Variants in MCPH1 observed in about 807,000 individuals in gnomAD.
MCPH1 encodes the protein microcephalin 1.
In MCPH1, 104 loss-of-function variants were observed where a neutral mutation model predicts 84.5. The observed-to-expected ratio is 1.23, with a 90% CI of 1.05 to 1.45. The LOEUF (loss-of-function observed/expected upper bound fraction) is 1.45, where lower values mean the gene tolerates loss of function less well. MCPH1 is among the 40% of genes most tolerant of loss of function. MCPH1 has a pLI of 0.00. For synonymous variants in MCPH1, 514 were observed against 366.8 expected, an observed-to-expected ratio of 1.40 and a Z score of -4.58; for missense variants, 1,498 against 1,005.7, an observed-to-expected ratio of 1.49 and a Z score of -6.62.
chr8:6,562,819 C>A, intron 12 of MCPH1: 1 of 1,613,604 alleles, frequency 6.2e-7, no homozygotes, highest in Non-Finnish European at 8.5e-7. Flanking sequence ...GCTGCAGGAC[C>A]CATGCTGGAC....
At chr8:6,632,525 T>C (rs1378853938) in intron 13 of MCPH1, among the ~76,000 whole-genome samples, 1 of 152,162 alleles carries the variant, frequency 6.6e-6, no homozygotes, top group African/African-American at 2.4e-5. Flanking sequence ...CATAAAAATC[T>C]GAGGCTGAGC....
chr8:6,522,669 G>T, intron 12 of MCPH1, among the ~76,000 whole-genome samples: 1 of 151,724 alleles, frequency 6.6e-6, no homozygotes, highest in African/African-American at 2.4e-5. Flanking sequence ...AGCTACTCAG[G>T]AGGCTGAGGC....
intron 9 of MCPH1, among the ~76,000 whole-genome samples, chr8:6,462,888 T>C (rs1241526319): frequency 6.6e-6 from 1 of 152,210 alleles, no homozygotes; most frequent in Non-Finnish European, 1.5e-5. Context: ...CATGTCTGCA[T>C]ATTGACTGTG....
Position 6,427,957 on chromosome 8 carries a change from T to A in MCPH1, c.234-3542T>A, listed in dbSNP as rs550731463. 2.0e-5 allele frequency among the ~76,000 whole-genome samples: 3 copies of A among 152,074 alleles called. No homozygotes were observed. The South Asian group carries it at 6.3e-4, about 32-fold the overall frequency. On this transcript the variant is annotated intron_variant, in intron 3 of 13. Transcript: ENST00000344683. ...ACAGGCACGCACCACCACGCCCGGC[T>A]AATTTTTGCATTTTTAGTAGAGACG...
At chr8:6,516,680 A>G (rs1271313013) in intron 12 of MCPH1, among the ~76,000 whole-genome samples, 2 of 152,210 alleles carry the variant, frequency 1.3e-5, no homozygotes, top group Non-Finnish European at 2.9e-5. Context: ...TCATGTACAT[A>G]TATTGAAGTT....
chr8:6,469,835 C>G (rs1807480472), intron 9 of MCPH1, among the ~76,000 whole-genome samples: 1 of 152,194 alleles, frequency 6.6e-6, no homozygotes, highest in Admixed American at 6.5e-5. Flanking sequence ...CTTTTTCTCT[C>G]TCTCTCCCTG....
chr8:6,599,259 C>G (rs1459955885), intron 12 of MCPH1, among the ~76,000 whole-genome samples: 1 of 152,168 alleles, frequency 6.6e-6, no homozygotes, highest in Non-Finnish European at 1.5e-5. Context: ...GAATGTGAAG[C>G]TTGTGACAGG....
intron 11 of MCPH1, among the ~76,000 whole-genome samples, chr8:6,496,653 G>A (rs560241164): frequency 2.6e-5 from 4 of 152,108 alleles, no homozygotes; most frequent in South Asian, 2.1e-4. Flanking sequence ...GGATAAGGCT[G>A]GCTATTTAGA....
intron 12 of MCPH1, chr8:6,520,095 C>G (rs760319549): frequency 4.2e-5 from 57 of 1,349,516 alleles, no homozygotes; most frequent in Non-Finnish European, 5.6e-5. Flanking sequence ...CTTTGGAATT[C>G]TTAAGTAAGC....
At chr8:6,642,760 C>T in intron 13 of MCPH1, 1 of 576,448 alleles carries the variant, frequency 1.7e-6, no homozygotes, top group Non-Finnish European at 3.2e-6. Flanking sequence ...CATGTGGCTA[C>T]CAAGCACTTG....
intron 11 of MCPH1, among the ~76,000 whole-genome samples, chr8:6,492,746 AATT>A (rs940179782): frequency 6.7e-6 from 1 of 148,682 alleles, no homozygotes; most frequent in African/African-American, 2.4e-5. Context: ...TATTAATAAT[AATT>A]ATTTAATATT....
At position 6,621,507 on chromosome 8, in the gene MCPH1, T is replaced by C. The variant is rs747441069; in HGVS notation, c.2268T>C (p.Phe756=). The change falls in exon 13 of 14, where the codon TTT becomes TTC. Residue 756 remains phenylalanine (F), a synonymous_variant. Transcript: ENST00000344683. The part of the protein sequence containing the change: ...LSAGPYRGTL[F]ADQPAMFVSP... ...CAGGGCCGTACCGCGGAACCCTCTT[T>C]GCCGACCAGCCAGCGATGTTTGTCT... is the stretch of plus-strand genomic sequence containing the variant. 6.2e-7 allele frequency: 1 copy of C among 1,614,158 alleles called. No homozygotes were observed. Among genetic ancestry groups the C allele is most frequent in the East Asian group, 2.2e-5 (1 of 44,874 alleles).
chr8:6,505,363 ATATAGAATATATATATT>A (rs1368026852), intron 12 of MCPH1, among the ~76,000 whole-genome samples: 29 of 78,434 alleles, frequency 3.7e-4, no homozygotes, highest in African/African-American at 1.6e-3. Context: ...TTCTATATGT[ATATAGAATATATATATT>A]CTTTCTATAT....
At chr8:6,577,152 G>A (rs768104884) in intron 12 of MCPH1, among the ~76,000 whole-genome samples, 4 of 152,194 alleles carry the variant, frequency 2.6e-5, no homozygotes, top group Non-Finnish European at 4.4e-5. Flanking sequence ...TCAGCCCCGG[G>A]CAAAGGGAAT....
intron 6 of MCPH1, 103 bp downstream of exon 6, chr8:6,439,199 G>T (rs773719722): frequency 8.5e-5 from 102 of 1,199,636 alleles, no homozygotes; most frequent in Non-Finnish European, 1.2e-4. Context: ...TTTCCTGGTA[G>T]TAACACATTT....
chr8:6,420,070 C>T (rs1242878944), intron 3 of MCPH1, among the ~76,000 whole-genome samples: 1 of 151,362 alleles, frequency 6.6e-6, no homozygotes, highest in Non-Finnish European at 1.5e-5. Context: ...GAGGGAGGGG[C>T]TCGTGTATCT....
chr8:6,433,416 T>A (rs1173453485), intron 4 of MCPH1, among the ~76,000 whole-genome samples: 2 of 152,054 alleles, frequency 1.3e-5, no homozygotes, highest in Admixed American at 1.3e-4. Flanking sequence ...GCAAATCAGT[T>A]GAGGCCAGGA....
intron 8 of MCPH1, among the ~76,000 whole-genome samples, chr8:6,450,428 G>T (rs1804964211): frequency 6.6e-6 from 1 of 151,136 alleles, no homozygotes; most frequent in African/African-American, 2.4e-5. Flanking sequence ...AGACCATCGT[G>T]TATCCTTTGA....
intron 2 of MCPH1, among the ~76,000 whole-genome samples, chr8:6,409,900 C>T (rs1798297286): frequency 6.6e-6 from 1 of 151,576 alleles, no homozygotes; most frequent in Non-Finnish European, 1.5e-5. Flanking sequence ...GCGATGGGAG[C>T]AGGGACCCAG....
Sources: allele counts gnomAD v4.1 joint callset (sites outside exome capture counted in the v4.1 genomes callset), GRCh38; gene constraint gnomAD v4.1.1; transcripts MANE v1.5; gene names NCBI Gene and HGNC (gene_info 2026-07-23, HGNC 2026-07-21).